The following CLXN variants were observed in gnomAD, a reference collection of about 807,000 sequenced individuals.
The protein encoded by CLXN is EF-hand calcium binding domain 1.
At chr8:48,735,150 A>G in the CLXN span, 3 of 1,613,894 alleles carry the variant, frequency 1.9e-6, no homozygotes, top group African/African-American at 4.0e-5. Context: ...CTTGCGGTTC[A>G]TGTCTGGCGC....
the CLXN span, chr8:48,730,012 A>G: frequency 1.5e-6 from 1 of 672,948 alleles, no homozygotes; most frequent in Non-Finnish European, 2.4e-6. Context: ...GTAAGTGTCA[A>G]CGTATACTAG....
the CLXN span, among the ~76,000 whole-genome samples, chr8:48,713,454 C>T: frequency 6.6e-6 from 1 of 152,118 alleles, no homozygotes; most frequent in Non-Finnish European, 1.5e-5. Flanking sequence ...AGGAAAAGCA[C>T]GGGAGCTACA....
chr8:48,730,797 A>G, the CLXN span, among the ~76,000 whole-genome samples: 9 of 152,324 alleles, frequency 5.9e-5, no homozygotes, highest in Admixed American at 5.2e-4. Flanking sequence ...CTAAGACATC[A>G]TAATATCATG....
At chr8:48,720,437 T>C in the CLXN span, among the ~76,000 whole-genome samples, 2 of 152,278 alleles carry the variant, frequency 1.3e-5, no homozygotes, top group Admixed American at 1.3e-4. Flanking sequence ...GCTCTAGGAA[T>C]GTCTGTCTTG....
the CLXN span, among the ~76,000 whole-genome samples, chr8:48,732,833 A>G: frequency 6.6e-6 from 1 of 152,226 alleles, no homozygotes; most frequent in Non-Finnish European, 1.5e-5. Flanking sequence ...TATTGCACTT[A>G]GTCAAATAAG....
chr8:48,729,016 C>T, the CLXN span: 1 of 1,546,676 alleles, frequency 6.5e-7, no homozygotes, highest in African/African-American at 1.4e-5. Flanking sequence ...ACTTTGATTA[C>T]CGTTCAGGGA....
the CLXN span, among the ~76,000 whole-genome samples, chr8:48,714,516 T>C: frequency 1.3e-5 from 2 of 152,196 alleles, no homozygotes; most frequent in Non-Finnish European, 2.9e-5. Context: ...GTTTAAATAA[T>C]GTCAAGTAAT....
the CLXN span, among the ~76,000 whole-genome samples, chr8:48,728,623 T>G: frequency 6.6e-6 from 1 of 152,222 alleles, no homozygotes; most frequent in South Asian, 2.1e-4. Flanking sequence ...ACAGGGTTAT[T>G]ATGAGGATTA....
the CLXN span, among the ~76,000 whole-genome samples, chr8:48,720,030 G>A: frequency 2.6e-5 from 4 of 152,202 alleles, no homozygotes; most frequent in Non-Finnish European, 5.9e-5. Context: ...ACATTTATCA[G>A]TTCCCAAATA....
chr8:48,731,239 TG>T, the CLXN span: 2 of 1,132,862 alleles, frequency 1.8e-6, no homozygotes, highest in South Asian at 2.2e-5. Flanking sequence ...CCAATGACAC[TG>T]GGAATGCAAA....
the CLXN span, chr8:48,711,417 A>T: frequency 6.6e-6 from 1 of 152,198 alleles, no homozygotes; most frequent in Non-Finnish European, 1.5e-5. Flanking sequence ...TGGTGCCAAC[A>T]GAGTTTTCCA....
chr8:48,719,381 C>T, the CLXN span, among the ~76,000 whole-genome samples: 34 of 151,846 alleles, frequency 2.2e-4, no homozygotes, highest in Non-Finnish European at 4.4e-4. Flanking sequence ...TTCTAAACTC[C>T]TCTAAAAAAA....
chr8:48,729,970 C>CAGCAT, the CLXN span: 1 of 1,161,020 alleles, frequency 8.6e-7, no homozygotes. Flanking sequence ...TGATGCTGTA[C>CAGCAT]CCACAGGTCT....
At chr8:48,724,858 A>G in the CLXN span, 1 of 1,435,976 alleles carries the variant, frequency 7.0e-7, no homozygotes, top group Non-Finnish European at 9.7e-7. Context: ...GAACACCACA[A>G]AATATTCTGT....
chr8:48,712,947 C>T, the CLXN span, among the ~76,000 whole-genome samples: 1 of 148,020 alleles, frequency 6.8e-6, no homozygotes, highest in Non-Finnish European at 1.5e-5. Flanking sequence ...TTGCAGTGAG[C>T]CAAGACCGTG....
the CLXN span, chr8:48,735,155 T>G: frequency 6.2e-7 from 1 of 1,613,910 alleles, no homozygotes. Flanking sequence ...GGTTCATGTC[T>G]GGCGCTCAGA....
chr8:48,722,719 C>T, the CLXN span, among the ~76,000 whole-genome samples: 7 of 152,092 alleles, frequency 4.6e-5, no homozygotes, highest in Non-Finnish European at 8.8e-5. Flanking sequence ...CTACATTTCA[C>T]CCCATGCCAC....
chr8:48,715,416 A>G, the CLXN span: 3 of 152,184 alleles, frequency 2.0e-5, no homozygotes, highest in South Asian at 6.2e-4. Flanking sequence ...AAGCACCCCC[A>G]AACCAAGGAC....
chr8:48,714,245 C>T, the CLXN span, among the ~76,000 whole-genome samples: 1 of 152,136 alleles, frequency 6.6e-6, no homozygotes, highest in African/African-American at 2.4e-5. Context: ...CTTAGATACC[C>T]TTACTATGTG....
Sources: gnomAD v4.1 joint callset for allele counts (sites outside exome capture counted in the v4.1 genomes callset) on GRCh38, gnomAD v4.1.1 for gene constraint, MANE v1.5 for transcripts, NCBI Gene and HGNC (gene_info 2026-07-23, HGNC 2026-07-21) for gene names.